Variants in NCOA6 observed in about 807,000 individuals in gnomAD.
NCOA6 encodes nuclear receptor coactivator 6, also known as NRC RAP250.
NCOA6 carries 49 observed loss-of-function variants against 171.4 expected under a neutral mutation model. That is an observed-to-expected ratio of 0.29 (90% CI 0.23 to 0.36). The LOEUF is 0.36. Among genes scored for constraint, NCOA6 ranks in the 10% least tolerant of loss-of-function variants. The probability of loss-of-function intolerance (pLI) is 1.00; values close to 1 mark genes in which losing one functional copy is unlikely to be tolerated. For synonymous variants in NCOA6, 910 were observed against 927.5 expected, an observed-to-expected ratio of 0.98 and a Z score of 0.34; for missense variants, 2,248 against 2,554.5, an observed-to-expected ratio of 0.88 and a Z score of 2.59.
chr20:34,800,385 T>C (rs1185004354), intron 1 of NCOA6, among the ~76,000 whole-genome samples: 4 of 152,138 alleles, frequency 2.6e-5, no homozygotes, highest in Admixed American at 6.5e-5. Context: ...AATACTAACA[T>C]TGAATGTTAA....
chr20:34,799,461 G>A (rs936790003), intron 1 of NCOA6, among the ~76,000 whole-genome samples: 1 of 152,110 alleles, frequency 6.6e-6, no homozygotes, highest in Non-Finnish European at 1.5e-5. Context: ...CCTAGAGAAA[G>A]ATATCAATAT....
At chr20:34,789,858 A>G (rs2077813993) in intron 2 of NCOA6, among the ~76,000 whole-genome samples, 1 of 152,196 alleles carries the variant, frequency 6.6e-6, no homozygotes, top group African/African-American at 2.4e-5. Context: ...ACAGCATAAC[A>G]ATAAAATAAT....
chr20:34,722,377 T>A (rs1945936824), intron 14 of NCOA6, among the ~76,000 whole-genome samples: 1 of 151,024 alleles, frequency 6.6e-6, no homozygotes, highest in Admixed American at 6.6e-5. Context: ...TGAGACTCCG[T>A]CTAAAAATAA....
intron 8 of NCOA6, among the ~76,000 whole-genome samples, chr20:34,752,850 G>A (rs1461794847): frequency 6.7e-6 from 1 of 150,214 alleles, no homozygotes. Context: ...GGAGGCAGAG[G>A]CCGCAGTGAG....
At chr20:34,799,263 T>G (rs1254552292) in intron 1 of NCOA6, among the ~76,000 whole-genome samples, 1 of 152,144 alleles carries the variant, frequency 6.6e-6, no homozygotes, top group Non-Finnish European at 1.5e-5. Context: ...AATGGTGAGC[T>G]TGAAGACAGC....
intron 4 of NCOA6, among the ~76,000 whole-genome samples, chr20:34,774,864 T>C (rs898542983): frequency 1.3e-5 from 2 of 152,182 alleles, no homozygotes; most frequent in African/African-American, 4.8e-5. Context: ...GCTTATAGTC[T>C]ATGGGGATAA....
At chr20:34,771,742 T>C (rs1410528148) in intron 4 of NCOA6, among the ~76,000 whole-genome samples, 3 of 152,198 alleles carry the variant, frequency 2.0e-5, no homozygotes, top group Admixed American at 2.0e-4. Context: ...CGGTTTCCTC[T>C]GCCTAGAACA....
chr20:34,728,975 G>T (rs566115090), intron 13 of NCOA6, among the ~76,000 whole-genome samples: 2 of 152,092 alleles, frequency 1.3e-5, no homozygotes, highest in Non-Finnish European at 2.9e-5. Context: ...TTTTGAGATG[G>T]AGTCTTGCTC....
intron 14 of NCOA6, among the ~76,000 whole-genome samples, chr20:34,726,405 T>C (rs1600740028): frequency 1.3e-5 from 2 of 151,940 alleles, no homozygotes; most frequent in South Asian, 4.2e-4. Flanking sequence ...TTAAAAAGAA[T>C]AGAGTGGGAA....
At position 34,757,321 on chromosome 20, in the gene NCOA6, C is replaced by T. The variant is rs370845057; in HGVS notation, c.1427G>A (p.Arg476Gln). The change falls in exon 7 of 15, where the codon CGG (arginine) becomes CAG (glutamine). Residue 476 changes from arginine to glutamine, a missense_variant. Transcript: ENST00000359003. ...GFQQPVSSPG[R>Q]NPMVQQGNVP... ...ATTTCCCTGTTGAACCATAGGATTCCGACCCGGAGAGCTGACAGGCTGCTG... is the reference window on the plus strand; with the variant it reads ...ATTTCCCTGTTGAACCATAGGATTCTGACCCGGAGAGCTGACAGGCTGCTG... 54 of 1,614,106 alleles carry T rather than the reference C, an allele frequency of 3.3e-5. No individual in the cohort carries two copies. The African/African-American group carries it at 3.5e-4, about 10-fold the overall frequency.
chr20:34,723,550 C>A (rs929113715), intron 14 of NCOA6, among the ~76,000 whole-genome samples: 5 of 152,114 alleles, frequency 3.3e-5, no homozygotes, highest in Non-Finnish European at 7.4e-5. Flanking sequence ...CACTTAGCAC[C>A]CCTCCATGCA....
chr20:34,813,781 A>G (rs992624562), intron 1 of NCOA6, among the ~76,000 whole-genome samples: 10 of 152,114 alleles, frequency 6.6e-5, no homozygotes, highest in Non-Finnish European at 1.2e-4. Context: ...AAGTTTTAAT[A>G]AAACATTTAA....
rs753678495 is a variant in NCOA6, at chr20:34,750,018, T to G, written c.2177A>C (p.Gln726Pro). ...IMTNQMQGNK[Q>P]QFNTQNQSNV... is the part of the protein sequence containing the mutation. ...GGACTGGTTCTGAGTGTTAAACTGC[T>G]GCTTATTCCCCTGCATTTGATTGGT... The change falls in exon 9 of 15, where the codon CAG (glutamine) becomes CCG (proline). Residue 726 changes from glutamine (Q) to proline (P), a missense_variant. Transcript: ENST00000359003. The G allele has an allele frequency of 6.2e-7, 1 of 1,614,268 alleles. No individual in the cohort carries two copies. The highest frequency in any genetic ancestry group is 8.5e-7 in the Non-Finnish European group (1 of 1,180,054).
Position 34,743,475 on chromosome 20 carries a change from G to A in NCOA6, c.2915-134C>T, listed in dbSNP as rs1339145693. On this transcript the variant is annotated intron_variant, in intron 10 of 14. Transcript: ENST00000359003. ...AAACAGCTCAGGCATGCCCACTCCTGGGGCAGGGGGCAGCCCCTCATTACT... is the reference window on the plus strand; with the variant it reads ...AAACAGCTCAGGCATGCCCACTCCTAGGGCAGGGGGCAGCCCCTCATTACT... The A allele has an allele frequency of 3.5e-6, 3 of 847,806 alleles. No homozygotes were observed. In the Admixed American group the frequency reaches 8.1e-5, roughly 23 times the overall value. The allele number at this position is 847,806 out of a possible 1,614,324, so 52.5% of individuals were successfully genotyped here.
chr20:34,751,139 G>C (rs1474042041), intron 8 of NCOA6, among the ~76,000 whole-genome samples: 2 of 151,934 alleles, frequency 1.3e-5, no homozygotes, highest in Non-Finnish European at 2.9e-5. Flanking sequence ...GGGAGGCCGA[G>C]GCGGGTGGAT....
chr20:34,761,989 A>T (rs1278056888), intron 5 of NCOA6, among the ~76,000 whole-genome samples: 3 of 152,152 alleles, frequency 2.0e-5, no homozygotes, highest in African/African-American at 7.2e-5. Flanking sequence ...ATTATATAAA[A>T]AGTATTTTGT....
At chr20:34,735,650 AAAAAAGAAAAAC>A (rs1295077078) in intron 12 of NCOA6, among the ~76,000 whole-genome samples, 2 of 152,154 alleles carry the variant, frequency 1.3e-5, no homozygotes, top group African/African-American at 4.8e-5. Flanking sequence ...CTCAAAAAAA[AAAAAAGAAAAAC>A]AAAAAGAAAA....
At chr20:34,773,652 T>A (rs539472345) in intron 4 of NCOA6, among the ~76,000 whole-genome samples, 1 of 152,230 alleles carries the variant, frequency 6.6e-6, no homozygotes, top group South Asian at 2.1e-4. Context: ...GCCTCCCGAG[T>A]AGCTGGGACT....
In NCOA6 at chr20:34,741,962, T is replaced by A; in HGVS notation, c.4294A>T (p.Ser1432Cys). ...TCAATGTTTACCTGTTCCTTCCTAC[T>A]CTGGGAATTCTGGCAATCACTGTCC... ...PQDSDCQNSQSRKEQVNIELK... is the reference protein window; with the variant it reads ...PQDSDCQNSQCRKEQVNIELK... The change falls in exon 11 of 15, where the codon AGT (serine) becomes TGT (cysteine). Residue 1432 changes from serine (S) to cysteine (C), a missense_variant. By Grantham distance (112) the Ser-to-Cys change is moderately radical. Coordinates refer to ENST00000359003, the MANE Select transcript of NCOA6 (RefSeq NM_014071.5). 1 of 1,614,224 alleles carries A rather than the reference T, an allele frequency of 6.2e-7. No homozygotes were observed. Among genetic ancestry groups the A allele is most frequent in the African/African-American group, 1.3e-5 (1 of 75,060 alleles).
Sources: allele counts gnomAD v4.1 joint callset (sites outside exome capture counted in the v4.1 genomes callset), GRCh38; gene constraint gnomAD v4.1.1; transcripts MANE v1.5; gene names NCBI Gene and HGNC (gene_info 2026-07-23, HGNC 2026-07-21).